NUDCD3: variants seen among roughly 807,000 people sequenced by gnomAD.
NUDCD3 encodes nudC domain-containing protein 3.
Under a neutral mutation model 39.7 loss-of-function variants are expected in NUDCD3, and 13 were observed. The ratio of observed to expected loss-of-function variants is 0.33; its 90% CI spans 0.21 to 0.52. NUDCD3 has a LOEUF of 0.52. Among genes scored for constraint, NUDCD3 ranks in the 20% least tolerant of loss-of-function variants. The probability of loss-of-function intolerance (pLI) is 0.96; values close to 1 mark genes in which losing one functional copy is unlikely to be tolerated. For missense variants in NUDCD3, 453 were observed against 458.1 expected, an observed-to-expected ratio of 0.99 and a Z score of 0.10; for synonymous variants, 175 against 172.4, an observed-to-expected ratio of 1.02 and a Z score of -0.12.
chr7:44,490,188 C>T, intron 1 of NUDCD3: 2 of 532,090 alleles, frequency 3.8e-6, no homozygotes, highest in South Asian at 4.8e-5. Context: ...TAACAGTCGG[C>T]TTACTACTTC....
At position 44,385,320 on chromosome 7, in the gene NUDCD3, T is replaced by C. The variant is rs535441160; in HGVS notation, c.*691A>G. On this transcript the variant is annotated 3_prime_UTR_variant, in exon 6 of 6. Transcript: ENST00000355451. ...AAGAACCAAAGCAAGGTCGCCACAGTCAGAGAACAGAATCCCCGCTGCATC... is the reference window on the plus strand; with the variant it reads ...AAGAACCAAAGCAAGGTCGCCACAGCCAGAGAACAGAATCCCCGCTGCATC... 6 of 152,360 alleles carry C rather than the reference T, an allele frequency of 3.9e-5. No homozygotes were observed. Among genetic ancestry groups the C allele is most frequent in the African/African-American group, 1.2e-4 (5 of 41,516 alleles). The allele number at this position is 152,360 out of a possible 1,614,324, so 9.4% of individuals were successfully genotyped here. A position where few individuals can be genotyped will look rare whatever the true frequency, so the allele number is the denominator to read the frequency against.
At chr7:44,422,208 C>A (rs1799153395) in intron 3 of NUDCD3, among the ~76,000 whole-genome samples, 1 of 151,998 alleles carries the variant, frequency 6.6e-6, no homozygotes, top group African/African-American at 2.4e-5. Flanking sequence ...AATTGACACC[C>A]TAACATTGCA....
intron 4 of NUDCD3, chr7:44,403,018 T>C (rs764363225): frequency 1.3e-4 from 25 of 188,044 alleles, no homozygotes; most frequent in African/African-American, 1.6e-4. Flanking sequence ...GGGAAAAGGC[T>C]CCAGGCTGTG....
intron 3 of NUDCD3, among the ~76,000 whole-genome samples, chr7:44,422,216 G>T (rs190769621): frequency 6.6e-6 from 1 of 151,922 alleles, no homozygotes; most frequent in Non-Finnish European, 1.5e-5. Context: ...CCCTAACATT[G>T]CAATTAAAAG....
intron 3 of NUDCD3, among the ~76,000 whole-genome samples, chr7:44,412,926 C>CAAAAAAAAA (rs767754442): frequency 5.7e-4 from 25 of 43,882 alleles, no homozygotes; most frequent in African/African-American, 1.7e-3. Context: ...GACGCCGTCT[C>CAAAAAAAAA]AAAAAAAAAA....
At chr7:44,443,810 G>A (rs1468097176) in intron 2 of NUDCD3, among the ~76,000 whole-genome samples, 4 of 152,276 alleles carry the variant, frequency 2.6e-5, no homozygotes, top group Non-Finnish European at 4.4e-5. Flanking sequence ...CGGGATAGTG[G>A]AGAAGAGACC....
rs145407807 is a variant in NUDCD3 at position 44,422,869 on chromosome 7, G to A, written c.642+4702C>T. 3.5e-3 allele frequency among the ~76,000 whole-genome samples: 534 copies of A among 152,312 alleles called. 4 individuals are homozygous for A. The highest frequency in any genetic ancestry group is 0.012 in the African/African-American group (506 of 41,564). On this transcript the variant is annotated intron_variant, in intron 3 of 5. Coordinates refer to ENST00000355451, the MANE Select transcript of NUDCD3 (RefSeq NM_015332.4). ...AAGAAAATTTCAGGCCAATATCCCTGATGAACGTCGATGTGAAAATCCTCA... is the reference window on the plus strand; with the variant it reads ...AAGAAAATTTCAGGCCAATATCCCTAATGAACGTCGATGTGAAAATCCTCA...
At chr7:44,402,619 G>T in intron 4 of NUDCD3, 1 of 456,440 alleles carries the variant, frequency 2.2e-6, no homozygotes, top group Non-Finnish European at 4.4e-6. Context: ...AAGTGCAACC[G>T]GACCACACAC....
At chr7:44,422,363 TAA>T (rs1282251490) in intron 3 of NUDCD3, among the ~76,000 whole-genome samples, 1 of 151,854 alleles carries the variant, frequency 6.6e-6, no homozygotes, top group Non-Finnish European at 1.5e-5. Context: ...CTGTTTTTTT[TAA>T]AAGATTAACA....
At chr7:44,444,095 C>T (rs543951038) in intron 2 of NUDCD3, among the ~76,000 whole-genome samples, 13 of 152,214 alleles carry the variant, frequency 8.5e-5, no homozygotes, top group African/African-American at 2.9e-4. Context: ...TGAGCAAAAC[C>T]GAAGGTTTGC....
rs75552154 is a variant in NUDCD3 at position 44,430,151 on chromosome 7, T to C, written c.510-2448A>G. Among the ~76,000 whole-genome samples the C allele has an allele frequency of 5.7e-4, 87 of 152,334 alleles. 2 individuals carry two copies. In the East Asian group the frequency reaches 0.015, roughly 26 times the overall value. ...TATTATCCAAACTCCCTAGAATATG[T>C]AGACATTTTTATAGCCAAGAGAAAA... On this transcript the variant is annotated intron_variant, in intron 2 of 5. Coordinates refer to ENST00000355451, the MANE Select transcript of NUDCD3 (RefSeq NM_015332.4).
At position 44,442,391 on chromosome 7, in the gene NUDCD3, G is replaced by A. The variant is rs1799602649; in HGVS notation, c.510-14688C>T. On this transcript the variant is annotated intron_variant, in intron 2 of 5. Coordinates refer to ENST00000355451, the MANE Select transcript of NUDCD3 (RefSeq NM_015332.4). ...AGTAGACTGCAGAATGCCAAAAGAA[G>A]TAGTTCCAGGGGCTGTTTGGGGGCA... is the stretch of plus-strand genomic sequence containing the variant. Among the ~76,000 whole-genome samples, 4 of 152,322 alleles carry A rather than the reference G, an allele frequency of 2.6e-5. No homozygotes were observed. In the South Asian group the frequency reaches 8.3e-4, roughly 32 times the overall value.
intron 2 of NUDCD3, among the ~76,000 whole-genome samples, chr7:44,456,089 C>T (rs1164536499): frequency 1.1e-5 from 1 of 94,690 alleles, no homozygotes; most frequent in Admixed American, 9.9e-5. Flanking sequence ...TTCCAGAAAA[C>T]AAGAAAAGAG....
intron 3 of NUDCD3, among the ~76,000 whole-genome samples, chr7:44,411,451 T>C (rs1798923172): frequency 6.6e-6 from 1 of 152,074 alleles, no homozygotes; most frequent in Non-Finnish European, 1.5e-5. Flanking sequence ...AACAACCCAA[T>C]TAAAACATGC....
intron 2 of NUDCD3, among the ~76,000 whole-genome samples, chr7:44,433,025 T>C (rs538427328): frequency 6.6e-6 from 1 of 152,264 alleles, no homozygotes; most frequent in Non-Finnish European, 1.5e-5. Context: ...AGGCTCTGAG[T>C]GGGATTAGTG....
rs759005189 is a variant in NUDCD3, at chr7:44,430,554, C to CA, written c.510-2852_510-2851insT. 9.7e-3 allele frequency among the ~76,000 whole-genome samples: 1,361 copies of CA among 140,826 alleles called. 10 individuals carry two copies. The highest frequency in any genetic ancestry group is 0.012 in the African/African-American group (441 of 35,914). 92.4% of individuals were successfully genotyped at this position (140,826 alleles called of 152,430 possible). ...TTGTGAAAATATATAAATAAAATAC[C>CA]CACACACACACACACTCACACACAC... On this transcript the variant is annotated intron_variant, in intron 2 of 5. Transcript: ENST00000355451.
intron 2 of NUDCD3, among the ~76,000 whole-genome samples, chr7:44,433,170 T>G (rs1405648606): frequency 6.6e-6 from 1 of 152,164 alleles, no homozygotes; most frequent in African/African-American, 2.4e-5. Flanking sequence ...ATCTTGGACT[T>G]CCAACATCCA....
chr7:44,410,606 G>A (rs1798904929), intron 3 of NUDCD3, among the ~76,000 whole-genome samples: 1 of 151,332 alleles, frequency 6.6e-6, no homozygotes, highest in African/African-American at 2.4e-5. Context: ...GGAGCTTGCA[G>A]TGAGTGGAGA....
intron 4 of NUDCD3, among the ~76,000 whole-genome samples, chr7:44,398,511 C>T (rs1798662959): frequency 6.6e-6 from 1 of 152,158 alleles, no homozygotes; most frequent in Non-Finnish European, 1.5e-5. Context: ...CTAATCAGTC[C>T]ATTTCTGAGG....
Sources: gnomAD v4.1 joint callset for allele counts (sites outside exome capture counted in the v4.1 genomes callset) on GRCh38, gnomAD v4.1.1 for gene constraint, MANE v1.5 for transcripts, NCBI Gene and HGNC (gene_info 2026-07-23, HGNC 2026-07-21) for gene names.